The following SND1 variants were observed in gnomAD, a reference collection of about 807,000 sequenced individuals.
The protein encoded by SND1 is staphylococcal nuclease domain-containing protein 1.
In SND1, 38 loss-of-function variants were observed where a neutral mutation model predicts 121.7. The ratio of observed to expected loss-of-function variants is 0.31; its 90% CI spans 0.24 to 0.41. The LOEUF is 0.41. SND1 is among the 10% of genes least tolerant of loss of function. The pLI, the probability that SND1 is intolerant of heterozygous loss-of-function variation, is 1.00. For missense variants in SND1, 868 were observed against 1,184.6 expected, an observed-to-expected ratio of 0.73 and a Z score of 3.92; for synonymous variants, 401 against 447.4, an observed-to-expected ratio of 0.90 and a Z score of 1.31.
At chr7:128,081,561 G>A (rs1793602878) in intron 18 of SND1, 60 bp downstream of exon 18, 1 of 1,600,142 alleles carries the variant, frequency 6.2e-7, no homozygotes, top group Admixed American at 1.7e-5. Flanking sequence ...GCTGCCTGGG[G>A]GTAGGGGGCC....
chr7:127,691,409 T>A (rs1300559823), intron 2 of SND1, among the ~76,000 whole-genome samples: 1 of 151,528 alleles, frequency 6.6e-6, no homozygotes, highest in Non-Finnish European at 1.5e-5. Context: ...CCGGGCGTGG[T>A]GGCATGTGCG....
chr7:128,082,312 C>T (rs1450496683), intron 18 of SND1, among the ~76,000 whole-genome samples: 1 of 152,238 alleles, frequency 6.6e-6, no homozygotes, highest in African/African-American at 2.4e-5. Flanking sequence ...ATGGTAGGCA[C>T]AGGTGGACAG....
At chr7:127,864,079 A>G (rs760760511) in intron 12 of SND1, among the ~76,000 whole-genome samples, 1 of 152,080 alleles carries the variant, frequency 6.6e-6, no homozygotes, top group Non-Finnish European at 1.5e-5. Context: ...TGAAATGTAT[A>G]CTTGATGATG....
intron 12 of SND1, among the ~76,000 whole-genome samples, chr7:127,859,788 A>G: frequency 6.6e-6 from 1 of 152,160 alleles, no homozygotes; most frequent in Non-Finnish European, 1.5e-5. Flanking sequence ...GTCTGGCATT[A>G]GTGTTTTAAG....
intron 10 of SND1, among the ~76,000 whole-genome samples, chr7:127,788,878 C>T (rs1797860570): frequency 6.6e-6 from 1 of 152,190 alleles, no homozygotes; most frequent in Admixed American, 6.5e-5. Context: ...AGACTTAGCT[C>T]AGTATCATCT....
intron 10 of SND1, among the ~76,000 whole-genome samples, chr7:127,768,378 C>T (rs898476088): frequency 5.3e-5 from 8 of 152,166 alleles, no homozygotes; most frequent in Admixed American, 2.6e-4. Context: ...TGGGTATGCT[C>T]AGTGACTCAG....
chr7:127,886,789 A>T (rs937546994), intron 12 of SND1, among the ~76,000 whole-genome samples: 2 of 147,652 alleles, frequency 1.4e-5, no homozygotes, highest in African/African-American at 5.0e-5. Flanking sequence ...TAGCTAGTAG[A>T]TGCAGGCCAC....
chr7:127,746,936 T>C (rs1022935995), intron 10 of SND1, among the ~76,000 whole-genome samples: 4 of 152,214 alleles, frequency 2.6e-5, no homozygotes, highest in Non-Finnish European at 4.4e-5. Flanking sequence ...AATGTTTGTA[T>C]TCAGTATAAC....
chr7:127,978,540 G>A lies in SND1; in HGVS notation c.1670-12407G>A, dbSNP rs150216161. Among the ~76,000 whole-genome samples, 199 of 152,208 alleles carry A rather than the reference G, an allele frequency of 1.3e-3. 1 individual carries two copies. Among genetic ancestry groups the A allele is most frequent in the South Asian group, 5.8e-3 (28 of 4,820 alleles). On this transcript the variant is annotated intron_variant, in intron 15 of 23. Coordinates refer to ENST00000354725, the MANE Select transcript of SND1 (RefSeq NM_014390.4). ...TGGGAATAAAATAGAATGATCAGACGTACAGGAAAGTGGACATTCATAGAA... is the reference window on the plus strand; with the variant it reads ...TGGGAATAAAATAGAATGATCAGACATACAGGAAAGTGGACATTCATAGAA...
At chr7:127,834,282 C>T (rs1203590562) in intron 11 of SND1, among the ~76,000 whole-genome samples, 3 of 152,092 alleles carry the variant, frequency 2.0e-5, no homozygotes, top group African/African-American at 7.2e-5. Context: ...AATATTTTTG[C>T]ATCATATTTC....
intron 16 of SND1, among the ~76,000 whole-genome samples, chr7:127,992,907 C>T (rs1802553588): frequency 6.6e-6 from 1 of 152,104 alleles, no homozygotes; most frequent in Non-Finnish European, 1.5e-5. Context: ...TAAAATTTTC[C>T]CCAGTTTTCT....
chr7:127,777,634 G>T (rs946827390), intron 10 of SND1, among the ~76,000 whole-genome samples: 1 of 152,222 alleles, frequency 6.6e-6, no homozygotes, highest in African/African-American at 2.4e-5. Context: ...ATATACTTTA[G>T]TGTGGAAAGT....
chr7:128,023,829 G>A (rs552422453), intron 16 of SND1, among the ~76,000 whole-genome samples: 13 of 152,280 alleles, frequency 8.5e-5, no homozygotes, highest in African/African-American at 2.9e-4. Context: ...GCTATATGGT[G>A]TGGAGCACTA....
rs543525983 is a variant in SND1, at chr7:127,726,944, T to C, written c.1152+5544T>C. Among the ~76,000 whole-genome samples, 7 of 152,302 alleles carry C rather than the reference T, an allele frequency of 4.6e-5. 1 individual carries two copies. The East Asian group carries it at 1.2e-3, about 25-fold the overall frequency. On this transcript the variant is annotated intron_variant, in intron 10 of 23. Transcript: ENST00000354725. ...TTTCTCTGTCTCTGACAGCCCCCAC[T>C]GCCAGCGCTCCCACTTAGTATTTTG...
chr7:128,081,382 A>T lies in SND1; in HGVS notation c.1991A>T (p.Gln664Leu). Residue 664 changes from glutamine to leucine, a missense_variant, in exon 18 of 24, where the codon CAG becomes CTG. By Grantham distance (113) the Gln-to-Leu change is moderately radical. Around this residue, in one of 2 missense-constraint regions of SND1, gnomAD observed 743 missense variants for 1,071.3 expected, o/e 0.69. Transcript: ENST00000354725. ...CAGGTCTGGGCCCACTATGAGGAGC[A>T]GCCCGTGGAGGAGGTGATGCCAGTG... Reference protein sequence around the residue: ...KEKVWAHYEEQPVEEVMPVLE... With the variant: ...KEKVWAHYEELPVEEVMPVLE... 6.2e-7 allele frequency: 1 copy of T among 1,614,200 alleles called. No individual in the cohort carries two copies. Among genetic ancestry groups the T allele is most frequent in the Non-Finnish European group, 8.5e-7 (1 of 1,180,034 alleles).
intron 12 of SND1, among the ~76,000 whole-genome samples, chr7:127,882,332 G>T (rs1440723549): frequency 1.4e-5 from 2 of 147,686 alleles, no homozygotes; most frequent in Non-Finnish European, 3.0e-5. Flanking sequence ...TCTGGCTTGG[G>T]GTGTCAGAGC....
chr7:127,954,434 G>A (rs369283547), intron 15 of SND1, among the ~76,000 whole-genome samples: 6 of 152,154 alleles, frequency 3.9e-5, no homozygotes, highest in Admixed American at 3.9e-4. Context: ...TGATTAAATA[G>A]TGGCTCCGAT....
intron 1 of SND1, among the ~76,000 whole-genome samples, chr7:127,654,562 A>G (rs1440028699): frequency 6.6e-6 from 1 of 152,200 alleles, no homozygotes; most frequent in Non-Finnish European, 1.5e-5. Flanking sequence ...GCTGTCTATA[A>G]TTGAGAAAAG....
In SND1 at chr7:128,015,286, A is replaced by G. The variant is rs756388268; in HGVS notation, c.1779+24230A>G. ...GACCGCTCTTAGTTCATGTTCTGGC[A>G]TATTAATCAGGGTGACATGATAAAA... On this transcript the variant is annotated intron_variant, in intron 16 of 23. Coordinates refer to ENST00000354725, the MANE Select transcript of SND1 (RefSeq NM_014390.4). The surrounding 1 kb of genome is among the most constrained non-coding windows in gnomAD (Gnocchi z 4.5). Among the ~76,000 whole-genome samples the G allele has an allele frequency of 6.6e-6, 1 of 152,226 alleles. No individual in the cohort carries two copies.
Sources: gnomAD v4.1 joint callset for allele counts (sites outside exome capture counted in the v4.1 genomes callset) on GRCh38, gnomAD v4.1.1 for gene constraint, gnomAD v4.1.1 regional missense constraint, Gnocchi (gnomAD v3.1) non-coding constraint, MANE v1.5 for transcripts, NCBI Gene and HGNC (gene_info 2026-07-23, HGNC 2026-07-21) for gene names.